The following ADORA2B variants were observed in gnomAD, a reference collection of about 807,000 sequenced individuals.
ADORA2B encodes adenosine A2b receptor.
Under a neutral mutation model 20.8 loss-of-function variants are expected in ADORA2B, and 18 were observed. The observed-to-expected ratio is 0.87, with a 90% CI of 0.60 to 1.29. The LOEUF is 1.29. Ranked by LOEUF, ADORA2B falls within the 50% of genes most tolerant of loss-of-function variation. The pLI is 0.00. For missense variants in ADORA2B, 441 were observed against 422.7 expected, an observed-to-expected ratio of 1.04 and a Z score of -0.38; for synonymous variants, 179 against 178.3, an observed-to-expected ratio of 1.00 and a Z score of -0.03.
chr17:15,880,293 ATCT>A, the ADORA2B span, among the ~76,000 whole-genome samples: 1 of 127,534 alleles, frequency 7.8e-6, no homozygotes, highest in African/African-American at 3.1e-5. Context: ...TTCTAGCCCT[ATCT>A]TCTTGGTGGT....
intron 1 of ADORA2B, among the ~76,000 whole-genome samples, chr17:15,958,227 A>T (rs1238153386): frequency 6.6e-6 from 1 of 152,198 alleles, no homozygotes; most frequent in Non-Finnish European, 1.5e-5. Flanking sequence ...CATGTTGGTC[A>T]GGCTGGTCTC....
At chr17:15,940,630 T>C (rs1464740480), upstream of ADORA2B, among the ~76,000 whole-genome samples, 3 of 152,192 alleles carry the variant, frequency 2.0e-5, no homozygotes, top group Non-Finnish European at 4.4e-5. Flanking sequence ...TGAGGGGCAA[T>C]GTGCACTGTA....
the ADORA2B span, chr17:15,864,217 A>ACATGTTCCATGTGTGCCTGTG: frequency 6.6e-6 from 1 of 152,362 alleles, no homozygotes; most frequent in Non-Finnish European, 1.5e-5. Context: ...CTGTGCCAGT[A>ACATGTTCCATGTGTGCCTGTG]CATGTTCCAT....
the ADORA2B span, among the ~76,000 whole-genome samples, chr17:15,914,550 A>G: frequency 6.6e-6 from 1 of 152,214 alleles, no homozygotes; most frequent in Non-Finnish European, 1.5e-5. Context: ...CATTGCAGCC[A>G]ATAATCATGT....
chr17:15,855,875 G>T, the ADORA2B span, among the ~76,000 whole-genome samples: 1 of 151,820 alleles, frequency 6.6e-6, no homozygotes, highest in Admixed American at 6.6e-5. Flanking sequence ...AATGTCTATT[G>T]TTGCCATCTT....
chr17:15,954,549 T>C (rs1969943731), intron 1 of ADORA2B, among the ~76,000 whole-genome samples: 1 of 152,190 alleles, frequency 6.6e-6, no homozygotes, highest in South Asian at 2.1e-4. Context: ...TCTTTCCTCT[T>C]TCTAGGATTT....
the ADORA2B span, among the ~76,000 whole-genome samples, chr17:15,906,717 CAT>C: frequency 6.6e-6 from 1 of 152,092 alleles, no homozygotes; most frequent in Admixed American, 6.6e-5. Flanking sequence ...CAAGTGCAGT[CAT>C]ATAGGTCTGG....
At chr17:15,948,747 T>C (rs185125923) in intron 1 of ADORA2B, among the ~76,000 whole-genome samples, 9 of 149,556 alleles carry the variant, frequency 6.0e-5, no homozygotes, top group Non-Finnish European at 1.3e-4. Flanking sequence ...ATCTGACCTG[T>C]CCCTGGACCC....
chr17:15,891,243 G>GA, the ADORA2B span, among the ~76,000 whole-genome samples: 1 of 152,084 alleles, frequency 6.6e-6, no homozygotes, highest in South Asian at 2.1e-4. Context: ...CTCCAGCCTG[G>GA]GTGACAGAGT....
At chr17:15,907,695 G>A in the ADORA2B span, among the ~76,000 whole-genome samples, 1 of 152,020 alleles carries the variant, frequency 6.6e-6, no homozygotes. Flanking sequence ...CACATTAAAT[G>A]GTAACACTTA....
chr17:15,915,597 T>TGACA, the ADORA2B span, among the ~76,000 whole-genome samples: 1 of 142,470 alleles, frequency 7.0e-6, no homozygotes, highest in Non-Finnish European at 1.6e-5. Flanking sequence ...GATAGATAGG[T>TGACA]GATAGATAGA....
At chr17:15,958,940 G>A (rs1188890891) in intron 1 of ADORA2B, among the ~76,000 whole-genome samples, 1 of 152,134 alleles carries the variant, frequency 6.6e-6, no homozygotes, top group Non-Finnish European at 1.5e-5. Context: ...CACTGGCTTG[G>A]CTTGTGACAT....
Position 15,945,283 on chromosome 17 carries a change from C to T in ADORA2B, c.35C>T (p.Ala12Val), listed in dbSNP as rs1436049874. Residue 12 changes from alanine to valine, a missense_variant, in exon 1 of 2, where the codon GCG becomes GTG. Transcript: ENST00000304222. ...LLETQDALYV[A>V]LELVIAALSV... ...GAGACACAGGACGCGCTGTACGTGG[C>T]GCTGGAGCTGGTCATCGCCGCGCTT... The T allele has an allele frequency of 2.6e-6, 4 of 1,531,110 alleles. No individual in the cohort carries two copies. Among genetic ancestry groups the T allele is most frequent in the Admixed American group, 3.8e-5 (2 of 52,078 alleles). The allele number at this position is 1,531,110 out of a possible 1,614,324, so 94.8% of individuals were successfully genotyped here.
chr17:15,902,094 T>C, the ADORA2B span, among the ~76,000 whole-genome samples: 3 of 152,194 alleles, frequency 2.0e-5, no homozygotes, highest in Admixed American at 6.5e-5. Context: ...ATCTGACTAC[T>C]CTAGTACCTC....
At chr17:15,967,847 AAT>A (rs527445262) in intron 1 of ADORA2B, among the ~76,000 whole-genome samples, 8 of 152,054 alleles carry the variant, frequency 5.3e-5, no homozygotes, top group Non-Finnish European at 1.0e-4. Flanking sequence ...TTCTCCATTG[AAT>A]AGACATGACT....
chr17:15,947,939 G>A (rs2151592373), intron 1 of ADORA2B, among the ~76,000 whole-genome samples: 1 of 152,320 alleles, frequency 6.6e-6, no homozygotes, highest in Middle Eastern at 3.4e-3. Flanking sequence ...TCACTTGACT[G>A]ACACAGGCTG....
At chr17:15,882,328 GTGCCTCTTCTGACC>G in the ADORA2B span, among the ~76,000 whole-genome samples, 212 of 152,300 alleles carry the variant, frequency 1.4e-3, no homozygotes, top group African/African-American at 5.0e-3. Flanking sequence ...GGCCCACATT[GTGCCTCTTCTGACC>G]TGCCAAATTC....
the ADORA2B span, among the ~76,000 whole-genome samples, chr17:15,889,431 G>T: frequency 2.3e-5 from 3 of 129,642 alleles, no homozygotes; most frequent in African/African-American, 3.3e-5. Flanking sequence ...CAACCTTTTA[G>T]GTTGACATGT....
chr17:15,889,859 C>T, the ADORA2B span, among the ~76,000 whole-genome samples: 1 of 129,706 alleles, frequency 7.7e-6, no homozygotes, highest in Admixed American at 7.6e-5. Context: ...GATCATGCCA[C>T]TGCACTCCAG....
Sources: gnomAD v4.1 joint callset for allele counts (sites outside exome capture counted in the v4.1 genomes callset) on GRCh38, gnomAD v4.1.1 for gene constraint, MANE v1.5 for transcripts, NCBI Gene and HGNC (gene_info 2026-07-23, HGNC 2026-07-21) for gene names.